Variants in GNG4 observed in about 807,000 individuals in gnomAD.
GNG4 encodes the protein guanine nucleotide-binding protein G(I)/G(S)/G(O) subunit gamma-4.
A neutral mutation model predicts 5.8 loss-of-function variants in GNG4; 4 were observed. That is an observed-to-expected ratio of 0.69 (90% CI 0.34 to 1.57). The LOEUF is 1.57. Among genes scored for constraint, GNG4 ranks in the 40% most tolerant of loss-of-function variants. GNG4 has a pLI of 0.06. For synonymous variants in GNG4, 29 were observed against 32.9 expected, an observed-to-expected ratio of 0.88 and a Z score of 0.41; for missense variants, 96 against 95.1, an observed-to-expected ratio of 1.01 and a Z score of -0.04.
At chr1:235,572,492 G>GCCGGGTCAAAAAATATACACTA (rs1687370503) in intron 3 of GNG4, among the ~76,000 whole-genome samples, 1 of 129,986 alleles carries the variant, frequency 7.7e-6, no homozygotes. Context: ...GAGCCACCGT[G>GCCGGGTCAAAAAATATACACTA]CTCTTTTTTT....
intron 3 of GNG4, among the ~76,000 whole-genome samples, chr1:235,578,402 A>C (rs1023202314): frequency 1.3e-5 from 2 of 152,200 alleles, no homozygotes; most frequent in African/African-American, 4.8e-5. Context: ...CTACCATAGG[A>C]TCCAGCAATC....
At chr1:235,609,641 A>G (rs1688436005) in intron 1 of GNG4, among the ~76,000 whole-genome samples, 6 of 152,176 alleles carry the variant, frequency 3.9e-5, no homozygotes, top group Admixed American at 3.9e-4. Flanking sequence ...GGCCGGGCGC[A>G]GTGGCTCACA....
At chr1:235,591,696 C>T (rs1290148135) in intron 2 of GNG4, among the ~76,000 whole-genome samples, 1 of 152,230 alleles carries the variant, frequency 6.6e-6, no homozygotes, top group Non-Finnish European at 1.5e-5. Context: ...CACACGCACA[C>T]TGGCTACCGG....
At chr1:235,604,084 G>A (rs949564149) in intron 1 of GNG4, among the ~76,000 whole-genome samples, 3 of 152,142 alleles carry the variant, frequency 2.0e-5, no homozygotes, top group African/African-American at 4.8e-5. Context: ...AAGTTTACTC[G>A]TGGCCTGAGG....
At chr1:235,632,748 G>A (rs912890842) in intron 1 of GNG4, among the ~76,000 whole-genome samples, 4 of 152,066 alleles carry the variant, frequency 2.6e-5, no homozygotes, top group African/African-American at 9.7e-5. Context: ...CACATTCCTA[G>A]AATATTAGAC....
At chr1:235,588,056 C>A (rs951304948) in intron 2 of GNG4, among the ~76,000 whole-genome samples, 10 of 152,028 alleles carry the variant, frequency 6.6e-5, no homozygotes, top group Non-Finnish European at 1.3e-4. Flanking sequence ...CCACCTCTCT[C>A]CCTCCCAGGC....
chr1:235,614,139 C>G (rs1053366295), intron 1 of GNG4, among the ~76,000 whole-genome samples: 4 of 152,182 alleles, frequency 2.6e-5, no homozygotes, highest in African/African-American at 4.8e-5. Context: ...TCTGTGTGAT[C>G]TTTGGTTGTT....
In GNG4 at chr1:235,649,376, G is replaced by A. The variant is rs1179681975; in HGVS notation, c.-123+286C>T. On this transcript the variant is annotated intron_variant, in intron 1 of 3. Coordinates refer to ENST00000391854, the MANE Select transcript of GNG4 (RefSeq NM_001098722.2). The surrounding 1 kb of genome is among the most constrained non-coding windows in gnomAD (Gnocchi z 5.7). ...CCGCCTGCCTCATGCCGGAGGGACC[G>A]GGCGCCCCCAGCCCCGGAAGCCCCT... Among the ~76,000 whole-genome samples the A allele has an allele frequency of 6.6e-6, 1 of 152,152 alleles. No individual in the cohort carries two copies. The highest frequency in any genetic ancestry group is 6.5e-5 in the Admixed American group (1 of 15,290).
rs533853180 is a variant in GNG4 at position 235,600,100 on chromosome 1, C to CTTTTTTTTTTTTTTTTTT, written c.-122-4607_-122-4590dup. On this transcript the variant is annotated intron_variant, in intron 1 of 3. Transcript: ENST00000391854. ...TCCTTTATCTGGTTGCGGAAGAAAG[C>CTTTTTTTTTTTTTTTTTT]TTTTTTTTTTTTTTTTTTTTTTTTT... 5.6e-4 allele frequency among the ~76,000 whole-genome samples: 24 copies of CTTTTTTTTTTTTTTTTTT among 43,138 alleles called. 9 individuals are homozygous for CTTTTTTTTTTTTTTTTTT. The highest frequency in any genetic ancestry group is 1.2e-3 in the Admixed American group (4 of 3,264). The allele number at this position is 43,138 out of a possible 152,430, so 28.3% of individuals were successfully genotyped here.
intron 1 of GNG4, chr1:235,616,446 C>G (rs1278408364): frequency 3.8e-6 from 1 of 260,314 alleles, no homozygotes; most frequent in Non-Finnish European, 7.5e-6. Context: ...CCTGGGCTGC[C>G]CGATCCCTGG....
At chr1:235,592,374 T>A (rs1274492824) in intron 2 of GNG4, among the ~76,000 whole-genome samples, 1 of 151,962 alleles carries the variant, frequency 6.6e-6, no homozygotes, top group African/African-American at 2.4e-5. Context: ...CCAGGCATGG[T>A]GGCACGTGCC....
At chr1:235,622,693 C>T (rs960716619) in intron 1 of GNG4, among the ~76,000 whole-genome samples, 2 of 151,848 alleles carry the variant, frequency 1.3e-5, no homozygotes, top group Non-Finnish European at 2.9e-5. Flanking sequence ...CCAGCCTGGC[C>T]AACATGGTGA....
chr1:235,560,762 T>C (rs1687039886), intron 3 of GNG4, among the ~76,000 whole-genome samples: 2 of 152,244 alleles, frequency 1.3e-5, no homozygotes, highest in African/African-American at 4.8e-5. Context: ...CTACTACTCA[T>C]GTTCTACTCT....
chr1:235,637,620 C>T (rs1657160823), intron 1 of GNG4, among the ~76,000 whole-genome samples: 3 of 146,926 alleles, frequency 2.0e-5, no homozygotes, highest in Admixed American at 1.4e-4. Flanking sequence ...CACCACTGCA[C>T]TCCAGCCTGG....
chr1:235,567,518 G>C (rs923786177), intron 3 of GNG4, among the ~76,000 whole-genome samples: 2 of 152,064 alleles, frequency 1.3e-5, no homozygotes, highest in Non-Finnish European at 2.9e-5. Context: ...CTGTTTCTAT[G>C]AATTTGACTC....
intron 1 of GNG4, among the ~76,000 whole-genome samples, chr1:235,646,690 C>T (rs1239405493): frequency 2.0e-5 from 3 of 152,176 alleles, no homozygotes; most frequent in African/African-American, 4.8e-5. Context: ...TGCACACAGC[C>T]GGCTTTCCCT....
intron 1 of GNG4, among the ~76,000 whole-genome samples, chr1:235,621,997 A>C (rs1688722583): frequency 6.6e-6 from 1 of 152,004 alleles, no homozygotes; most frequent in Non-Finnish European, 1.5e-5. Flanking sequence ...TGTTTTAAAA[A>C]ATAACTCAGC....
chr1:235,560,764 T>C (rs565696432), intron 3 of GNG4, among the ~76,000 whole-genome samples: 2 of 152,322 alleles, frequency 1.3e-5, no homozygotes, highest in South Asian at 4.1e-4. Flanking sequence ...ACTACTCATG[T>C]TCTACTCTTT....
chr1:235,586,771 G>C (rs1046858863), intron 2 of GNG4, among the ~76,000 whole-genome samples: 1 of 152,180 alleles, frequency 6.6e-6, no homozygotes, highest in African/African-American at 2.4e-5. Flanking sequence ...GAAGCTTCCT[G>C]AGGCCTCACC....
Sources: allele counts gnomAD v4.1 joint callset (sites outside exome capture counted in the v4.1 genomes callset), GRCh38; gene constraint gnomAD v4.1.1; non-coding constraint Gnocchi (gnomAD v3.1); transcripts MANE v1.5; gene names NCBI Gene and HGNC (gene_info 2026-07-23, HGNC 2026-07-21).